MYO5B: variants seen among roughly 807,000 people sequenced by gnomAD.
The protein encoded by MYO5B is unconventional myosin-Vb.
A neutral mutation model predicts 229.3 loss-of-function variants in MYO5B; 143 were observed. The observed-to-expected ratio is 0.62, with a 90% CI of 0.54 to 0.72. The LOEUF is 0.72. Among genes scored for constraint, MYO5B ranks in the 30% least tolerant of loss-of-function variants. MYO5B has a pLI of 0.00. For synonymous variants in MYO5B, 918 were observed against 885.2 expected (o/e 1.04, Z -0.66); for missense variants, 2,321 against 2,331.0 (o/e 1.00, Z 0.09).
intron 5 of MYO5B, among the ~76,000 whole-genome samples, chr18:49,998,824 G>C (rs1253930147): frequency 1.3e-5 from 2 of 152,206 alleles, no homozygotes; most frequent in African/African-American, 4.8e-5. Flanking sequence ...AATTCAGAGA[G>C]ATTACCAGGG....
chr18:50,004,959 T>C (rs1322807966), intron 4 of MYO5B, among the ~76,000 whole-genome samples: 1 of 152,226 alleles, frequency 6.6e-6, no homozygotes, highest in Non-Finnish European at 1.5e-5. Context: ...TGTCTGACTT[T>C]GGACAAAGTA....
At chr18:50,135,503 G>T in intron 1 of MYO5B, among the ~76,000 whole-genome samples, 1 of 152,272 alleles carries the variant, frequency 6.6e-6, no homozygotes, top group South Asian at 2.1e-4. Context: ...CCTTTCTCTG[G>T]ACAGACTGAA....
At chr18:49,953,685 A>T (rs760686949) in intron 13 of MYO5B, among the ~76,000 whole-genome samples, 12 of 152,196 alleles carry the variant, frequency 7.9e-5, no homozygotes, top group Admixed American at 1.3e-4. Flanking sequence ...GCAATTTAAG[A>T]AACACCGAGC....
chr18:50,043,036 G>A (rs997277930), intron 2 of MYO5B, among the ~76,000 whole-genome samples: 2 of 149,934 alleles, frequency 1.3e-5, no homozygotes, highest in Non-Finnish European at 3.0e-5. Flanking sequence ...ATTCCTTAAA[G>A]AACTAAAAGT....
rs571277307 is a variant in MYO5B, at chr18:49,979,751, C to T, written c.1056+693G>A. Among the ~76,000 whole-genome samples, 187 of 152,310 alleles carry T rather than the reference C, an allele frequency of 1.2e-3. 1 individual carries two copies. Among genetic ancestry groups the T allele is most frequent in the Non-Finnish European group, 8.4e-4 (57 of 68,030 alleles). ...GGTATAGAATAAACAGTTGCAGATT[C>T]ACCTATCCAAGGTTAGAATACCAGC... On this transcript the variant is annotated intron_variant, in intron 9 of 39. Coordinates refer to ENST00000285039, the MANE Select transcript of MYO5B (RefSeq NM_001080467.3).
At chr18:50,073,180 G>T (rs539705237) in intron 1 of MYO5B, among the ~76,000 whole-genome samples, 1 of 152,196 alleles carries the variant, frequency 6.6e-6, no homozygotes, top group South Asian at 2.1e-4. Flanking sequence ...GCTATTCTTG[G>T]TACCTACTAC....
At chr18:49,921,086 G>T (rs1451284238) in intron 17 of MYO5B, among the ~76,000 whole-genome samples, 2 of 152,114 alleles carry the variant, frequency 1.3e-5, no homozygotes, top group African/African-American at 4.8e-5. Flanking sequence ...AATAGGGAGA[G>T]GAAGCAGGCC....
intron 29 of MYO5B, among the ~76,000 whole-genome samples, chr18:49,860,629 T>TA (rs2024318490): frequency 1.3e-5 from 2 of 152,288 alleles, no homozygotes; most frequent in South Asian, 4.1e-4. Context: ...TAGCAAGTGA[T>TA]AAAAGTTCTG....
chr18:50,088,533 T>A (rs1479950652), intron 1 of MYO5B, among the ~76,000 whole-genome samples: 1 of 152,216 alleles, frequency 6.6e-6, no homozygotes, highest in East Asian at 1.9e-4. Flanking sequence ...TTGTTAGGAA[T>A]AAAATTGAAG....
At chr18:50,006,247 C>A (rs1349161518) in intron 4 of MYO5B, among the ~76,000 whole-genome samples, 1 of 152,218 alleles carries the variant, frequency 6.6e-6, no homozygotes, top group African/African-American at 2.4e-5. Context: ...AGTACAGAAT[C>A]TGACCCAATG....
At chr18:49,843,935 T>A (rs1395342306) in intron 33 of MYO5B, among the ~76,000 whole-genome samples, 1 of 152,150 alleles carries the variant, frequency 6.6e-6, no homozygotes, top group African/African-American at 2.4e-5. Flanking sequence ...AGGAACAAAT[T>A]ACCCAGCCGT....
At chr18:50,037,091 A>G (rs2026456893) in intron 3 of MYO5B, 97 bp from the exon 4 acceptor site, 4 of 1,363,088 alleles carry the variant, frequency 2.9e-6, no homozygotes, top group African/African-American at 2.9e-5. Context: ...GCCAAAAACC[A>G]AAGAATGAGA....
Position 50,052,698 on chromosome 18 carries a change from A to C in MYO5B, c.138+2570T>G, listed in dbSNP as rs1313963822. Among the ~76,000 whole-genome samples the C allele has an allele frequency of 2.5e-4, 6 of 23,782 alleles. No individual in the cohort carries two copies. In the Admixed American group the frequency reaches 4.3e-3, roughly 17 times the overall value. 15.6% of individuals were successfully genotyped at this position (23,782 alleles called of 152,430 possible). On this transcript the variant is annotated intron_variant, in intron 2 of 39. Transcript: ENST00000285039. Reference sequence around the variant, plus strand: ...TGTGCACATGTACCCTAAAACTTAAAGTATAATAAAAAAAAAAGGTTAGCA... The same window carrying C: ...TGTGCACATGTACCCTAAAACTTAACGTATAATAAAAAAAAAAGGTTAGCA...
intron 4 of MYO5B, among the ~76,000 whole-genome samples, chr18:50,015,161 C>T (rs994885303): frequency 1.3e-5 from 2 of 152,204 alleles, no homozygotes; most frequent in African/African-American, 4.8e-5. Context: ...GAAACAAAGA[C>T]AGAAATGTGT....
chr18:49,837,945 C>A, intron 36 of MYO5B, 143 bp from the exon 37 acceptor site: 7 of 1,102,426 alleles, frequency 6.3e-6, no homozygotes, highest in Admixed American at 4.2e-5. Flanking sequence ...GAACTTATAA[C>A]ATTTGGCAAA....
Position 49,875,748 on chromosome 18 carries a change from T to C in MYO5B, c.3476A>G (p.Glu1159Gly), listed in dbSNP as rs897081722. The C allele has an allele frequency of 3.7e-6, 6 of 1,614,154 alleles. No individual in the cohort carries two copies. Among genetic ancestry groups the C allele is most frequent in the Non-Finnish European group, 5.1e-6 (6 of 1,180,008 alleles). Residue 1159 changes from glutamate (E) to glycine (G), a missense_variant, in exon 26 of 40, where the codon GAG becomes GGG. Physicochemically the swap from Glu to Gly is moderately conservative, Grantham distance 98 (BLOSUM62 -2). Transcript: ENST00000285039. ...CAGCTGCACTTGCAGCTTTTTCCTCTCCTGCTCCAGCTCCCGTACTCTCTT... is the reference window on the plus strand; with the variant it reads ...CAGCTGCACTTGCAGCTTTTTCCTCCCCTGCTCCAGCTCCCGTACTCTCTT... ...LQKRVRELEQ[E>G]RKKLQVQLEK...
intron 10 of MYO5B, among the ~76,000 whole-genome samples, chr18:49,972,140 C>A (rs2025698848): frequency 6.6e-6 from 1 of 152,148 alleles, no homozygotes. Context: ...GAGACCAAGT[C>A]CTCCAGGTTG....
At chr18:49,892,965 ACC>A (rs2024732571) in intron 22 of MYO5B, among the ~76,000 whole-genome samples, 1 of 152,126 alleles carries the variant, frequency 6.6e-6, no homozygotes, top group East Asian at 1.9e-4. Context: ...TTTCTTTAAG[ACC>A]TAGGTCAGCA....
chr18:49,890,647 C>T (rs953123890), intron 22 of MYO5B, among the ~76,000 whole-genome samples: 13 of 152,132 alleles, frequency 8.5e-5, no homozygotes, highest in East Asian at 1.9e-4. Flanking sequence ...GAAGACCCAG[C>T]GCAAGGTTTC....
Sources: allele counts gnomAD v4.1 joint callset (sites outside exome capture counted in the v4.1 genomes callset), GRCh38; gene constraint gnomAD v4.1.1; transcripts MANE v1.5; gene names NCBI Gene and HGNC (gene_info 2026-07-23, HGNC 2026-07-21).